Variants in MGRN1 observed in about 807,000 individuals in gnomAD.
MGRN1 encodes the protein E3 ubiquitin-protein ligase MGRN1.
MGRN1 carries 29 observed loss-of-function variants against 69.2 expected under a neutral mutation model. The ratio of observed to expected loss-of-function variants is 0.42; its 90% CI spans 0.31 to 0.57. The LOEUF is 0.57. Ranked by LOEUF, MGRN1 falls within the 20% of genes least tolerant of loss-of-function variation. The pLI is 0.15. For synonymous variants in MGRN1, 470 were observed against 344.2 expected, an observed-to-expected ratio of 1.37 and a Z score of -4.04; for missense variants, 998 against 796.2, an observed-to-expected ratio of 1.25 and a Z score of -3.05.
intron 11 of MGRN1, among the ~76,000 whole-genome samples, chr16:4,679,723 G>A (rs1488570679): frequency 2.6e-5 from 4 of 152,176 alleles, no homozygotes; most frequent in African/African-American, 7.2e-5. Context: ...CTGCCCTCAC[G>A]TCCACCTTGG....
chr16:4,663,092 C>G (rs1176096366), intron 5 of MGRN1, among the ~76,000 whole-genome samples: 1 of 152,238 alleles, frequency 6.6e-6, no homozygotes, highest in Admixed American at 6.5e-5. Flanking sequence ...GAGACGGAGT[C>G]TCACTGTGTC....
At chr16:4,664,622 G>A (rs2078756837) in intron 5 of MGRN1, 87 bp from the exon 6 acceptor site, 14 of 1,397,550 alleles carry the variant, frequency 1.0e-5, no homozygotes, top group Non-Finnish European at 1.4e-5. Context: ...GCTCCTGCCT[G>A]CTTTGTCCAG....
At chr16:4,682,276 C>G (rs1163768857) in intron 13 of MGRN1, among the ~76,000 whole-genome samples, 2 of 152,240 alleles carry the variant, frequency 1.3e-5, no homozygotes, top group East Asian at 1.9e-4. Flanking sequence ...AGTGCATCAT[C>G]CATCACTCAT....
intron 9 of MGRN1, among the ~76,000 whole-genome samples, chr16:4,671,978 T>A (rs901319010): frequency 1.3e-5 from 2 of 152,226 alleles, no homozygotes; most frequent in African/African-American, 4.8e-5. Context: ...AGATCTTGGC[T>A]CACTGTGGCC....
At chr16:4,631,386 T>C (rs1335540752) in intron 1 of MGRN1, among the ~76,000 whole-genome samples, 1 of 152,228 alleles carries the variant, frequency 6.6e-6, no homozygotes, top group Non-Finnish European at 1.5e-5. Flanking sequence ...TTTGGGACTC[T>C]CCATTCTGTT....
At chr16:4,683,080 G>A in intron 14 of MGRN1, 134 bp downstream of exon 14, 1 of 1,492,320 alleles carries the variant, frequency 6.7e-7, no homozygotes. Flanking sequence ...GAGCTGCGCG[G>A]CTCCTTAGCC....
intron 5 of MGRN1, among the ~76,000 whole-genome samples, chr16:4,660,678 G>A (rs939139738): frequency 6.6e-6 from 1 of 152,206 alleles, no homozygotes; most frequent in Admixed American, 6.5e-5. Flanking sequence ...AGTGGCTGCC[G>A]GTGCGCGAAC....
chr16:4,653,093 G>A (rs889747951), intron 4 of MGRN1, among the ~76,000 whole-genome samples: 1 of 152,190 alleles, frequency 6.6e-6, no homozygotes, highest in African/African-American at 2.4e-5. Flanking sequence ...AGTCCCACAA[G>A]ACTGCCCCAC....
At chr16:4,674,621 C>CT (rs2079014394) in intron 10 of MGRN1, among the ~76,000 whole-genome samples, 78 of 59,686 alleles carry the variant, frequency 1.3e-3, no homozygotes, top group Non-Finnish European at 1.7e-3. Flanking sequence ...CTTTTCTTTT[C>CT]TTTTCTTTTT....
In MGRN1 at chr16:4,652,129, A is replaced by G. The variant is rs1003439204; in HGVS notation, c.296+78A>G. ...GGTGGAGGTTCTGGCTTGATGCTTG[A>G]GGAAAAGGGCAGGCGGGAGGGGCCC... is the stretch of plus-strand genomic sequence containing the variant. On this transcript the variant is annotated intron_variant, in intron 3 of 16. Transcript: ENST00000262370. The G allele has an allele frequency of 3.5e-6, 5 of 1,440,520 alleles. No individual in the cohort carries two copies. The African/African-American group carries it at 7.1e-5, about 20-fold the overall frequency. 89.2% of individuals were successfully genotyped at this position (1,440,520 alleles called of 1,614,324 possible). A position where few individuals can be genotyped will look rare whatever the true frequency, so the allele number is the denominator to read the frequency against.
chr16:4,658,392 C>T (rs993115579), intron 5 of MGRN1, among the ~76,000 whole-genome samples: 8 of 151,954 alleles, frequency 5.3e-5, no homozygotes, highest in Non-Finnish European at 8.8e-5. Context: ...AAAAATTACC[C>T]GGGTGTGGTG....
chr16:4,653,239 G>A (rs2078448230), intron 4 of MGRN1, among the ~76,000 whole-genome samples: 1 of 152,188 alleles, frequency 6.6e-6, no homozygotes, highest in South Asian at 2.1e-4. Context: ...ACACTTGGCT[G>A]GTGTTTGTTG....
rs185271329 is a variant in MGRN1, at chr16:4,675,614, C to T, written c.956-1849C>T. Among the ~76,000 whole-genome samples, 374 of 151,910 alleles carry T rather than the reference C, an allele frequency of 2.5e-3. 1 individual carries two copies. The highest frequency in any genetic ancestry group is 4.5e-3 in the Non-Finnish European group (309 of 67,980). On this transcript the variant is annotated intron_variant, in intron 10 of 16. Transcript: ENST00000262370. ...TTAGCCAGATGTGTTGGCTATAGTA[C>T]CAGTGACTTGGAAGGCTGAGGCGGG...
At chr16:4,650,664 G>A (rs992108021) in intron 2 of MGRN1, 181 bp downstream of exon 2, 4 of 488,128 alleles carry the variant, frequency 8.2e-6, no homozygotes, top group Middle Eastern at 5.3e-4. Flanking sequence ...GTTGTGTCCT[G>A]GTGCTGCCCC....
At chr16:4,684,963 A>G (rs2079275089) in intron 16 of MGRN1, among the ~76,000 whole-genome samples, 1 of 152,170 alleles carries the variant, frequency 6.6e-6, no homozygotes, top group South Asian at 2.1e-4. Flanking sequence ...GACGTGCTTT[A>G]GTTGGAAAGG....
chr16:4,675,551 C>T (rs1324353031), intron 10 of MGRN1, among the ~76,000 whole-genome samples: 6 of 152,068 alleles, frequency 3.9e-5, no homozygotes, highest in Non-Finnish European at 8.8e-5. Context: ...CTAGCCTGGG[C>T]AACATGGCGA....
intron 1 of MGRN1, among the ~76,000 whole-genome samples, chr16:4,644,863 C>T (rs979698901): frequency 2.0e-5 from 3 of 152,080 alleles, no homozygotes; most frequent in African/African-American, 7.2e-5. Flanking sequence ...AGTCATGCAA[C>T]CATTACCTTG....
intron 10 of MGRN1, among the ~76,000 whole-genome samples, chr16:4,674,626 C>CTTTTTTTTTTTTTTCTTTTTTTTTT (rs2079015113): frequency 2.1e-5 from 1 of 47,254 alleles, no homozygotes; most frequent in Non-Finnish European, 3.6e-5. Flanking sequence ...CTTTTCTTTT[C>CTTTTTTTTTTTTTTCTTTTTTTTTT]TTTTTTTTTT....
At chr16:4,666,384 G>C (rs1168296596) in intron 7 of MGRN1, among the ~76,000 whole-genome samples, 2 of 152,166 alleles carry the variant, frequency 1.3e-5, no homozygotes, top group Non-Finnish European at 2.9e-5. Flanking sequence ...CTCCCACCTT[G>C]GCCTTCCAAA....
Sources: gnomAD v4.1 joint callset for allele counts (sites outside exome capture counted in the v4.1 genomes callset) on GRCh38, gnomAD v4.1.1 for gene constraint, MANE v1.5 for transcripts, NCBI Gene and HGNC (gene_info 2026-07-23, HGNC 2026-07-21) for gene names.